The following PALLD variants were observed in gnomAD, a reference collection of about 807,000 sequenced individuals.
PALLD encodes palladin, cytoskeletal associated protein.
Under a neutral mutation model 123.5 loss-of-function variants are expected in PALLD, and 61 were observed. The observed-to-expected ratio is 0.49, with a 90% confidence interval of 0.40 to 0.61. The LOEUF (loss-of-function observed/expected upper bound fraction) is 0.61, where lower values mean the gene tolerates loss of function less well. PALLD is among the 20% of genes least tolerant of loss of function. PALLD has a pLI of 0.00. For synonymous variants in PALLD, 465 were observed against 496.4 expected, an observed-to-expected ratio of 0.94 and a Z score of 0.84; for missense variants, 1,273 against 1,377.0, an observed-to-expected ratio of 0.92 and a Z score of 1.20.
At position 168,926,623 on chromosome 4, in the gene PALLD, A is replaced by C. The variant is rs1762612945; in HGVS notation, c.*443A>C. 3 of 424,416 alleles carry C rather than the reference A, an allele frequency of 7.1e-6. No individual in the cohort carries two copies. Among genetic ancestry groups the C allele is most frequent in the African/African-American group, 2.0e-5 (1 of 50,450 alleles). The allele number at this position is 424,416 out of a possible 1,614,324, so 26.3% of individuals were successfully genotyped here. On this transcript the variant is annotated 3_prime_UTR_variant, in exon 22 of 22. Transcript: ENST00000505667. ...TTTACTGTCCAATTTAAAACTTTGG[A>C]ATTGCTGTGATTAAAGTGATCAAAA...
At chr4:168,718,885 C>A (rs896200993) in intron 10 of PALLD, among the ~76,000 whole-genome samples, 4 of 149,882 alleles carry the variant, frequency 2.7e-5, no homozygotes, top group African/African-American at 9.8e-5. Flanking sequence ...TTGATAATTC[C>A]TTTCTCTATT....
intron 2 of PALLD, among the ~76,000 whole-genome samples, chr4:168,532,123 T>C (rs555738086): frequency 6.6e-6 from 1 of 152,172 alleles, no homozygotes; most frequent in Non-Finnish European, 1.5e-5. Context: ...GTATCTGTTG[T>C]TCCCTGCTAT....
chr4:168,908,170 C>T (rs977607964), intron 15 of PALLD, among the ~76,000 whole-genome samples: 7 of 152,234 alleles, frequency 4.6e-5, no homozygotes, highest in African/African-American at 1.7e-4. Context: ...AGTAAAACCC[C>T]TTCTTTTCTG....
At chr4:168,627,041 A>C (rs561858288) in intron 2 of PALLD, among the ~76,000 whole-genome samples, 14 of 152,332 alleles carry the variant, frequency 9.2e-5, no homozygotes, top group Admixed American at 3.3e-4. Flanking sequence ...GAACATACTC[A>C]ACACTACAGA....
chr4:168,668,185 T>A lies in PALLD; in HGVS notation c.909-5T>A. On this transcript the variant is annotated splice_polypyrimidine_tract_variant and splice_region_variant and intron_variant, in intron 2 of 21. Transcript: ENST00000505667. ...CCTATCCTTTGACCTCCATTTGGCC[T>A]GCAGATGGTTCTGTGAAGGGAAAGA... The A allele has an allele frequency of 6.2e-7, 1 of 1,612,850 alleles. No individual in the cohort carries two copies. Among genetic ancestry groups the A allele is most frequent in the Admixed American group, 1.7e-5 (1 of 60,034 alleles).
At chr4:168,647,139 T>G (rs1029067479) in intron 2 of PALLD, among the ~76,000 whole-genome samples, 15 of 152,212 alleles carry the variant, frequency 9.9e-5, no homozygotes, top group Non-Finnish European at 1.9e-4. Flanking sequence ...ACATTAACCA[T>G]CCACTATGAA....
At chr4:168,926,110 G>A in intron 21 of PALLD, 103 bp from the exon 22 acceptor site, 1 of 945,092 alleles carries the variant, frequency 1.1e-6, no homozygotes, top group East Asian at 2.7e-5. Flanking sequence ...GATGTGTTCA[G>A]GTGCCTTGCA....
At chr4:168,663,917 T>C (rs1779372455) in intron 2 of PALLD, among the ~76,000 whole-genome samples, 2 of 152,214 alleles carry the variant, frequency 1.3e-5, no homozygotes, top group Non-Finnish European at 2.9e-5. Flanking sequence ...GTTGATGCTT[T>C]AAAATATTTA....
chr4:168,671,159 A>G (rs1780234675), intron 3 of PALLD, among the ~76,000 whole-genome samples: 1 of 152,172 alleles, frequency 6.6e-6, no homozygotes, highest in Non-Finnish European at 1.5e-5. Context: ...ATACTATAAA[A>G]TGAGATATTT....
intron 2 of PALLD, among the ~76,000 whole-genome samples, chr4:168,632,349 A>G (rs1429700955): frequency 6.6e-6 from 1 of 152,210 alleles, no homozygotes; most frequent in Non-Finnish European, 1.5e-5. Flanking sequence ...TCACAAAGCA[A>G]TCAATTTCTG....
chr4:168,670,748 A>AC (rs1438788396), intron 3 of PALLD, among the ~76,000 whole-genome samples: 2 of 42,870 alleles, frequency 4.7e-5, no homozygotes, highest in African/African-American at 3.8e-4. Flanking sequence ...TCAAAAAAAC[A>AC]AAAAAAACAA....
intron 2 of PALLD, among the ~76,000 whole-genome samples, chr4:168,581,849 G>T (rs190517121): frequency 6.6e-6 from 1 of 151,190 alleles, no homozygotes; most frequent in Admixed American, 6.6e-5. Context: ...CAATGTCAAG[G>T]TTTTTTTTTA....
At chr4:168,823,510 T>C (rs1743012158) in intron 10 of PALLD, among the ~76,000 whole-genome samples, 1 of 151,610 alleles carries the variant, frequency 6.6e-6, no homozygotes, top group South Asian at 2.1e-4. Context: ...TGAGACCCTG[T>C]CTCTACAAAA....
At chr4:168,812,463 G>A (rs1010407527) in intron 10 of PALLD, among the ~76,000 whole-genome samples, 1 of 152,208 alleles carries the variant, frequency 6.6e-6, no homozygotes, top group African/African-American at 2.4e-5. Flanking sequence ...GGAGAGACAA[G>A]GAGCACAGCA....
chr4:168,876,453 T>C (rs911843231), intron 10 of PALLD, among the ~76,000 whole-genome samples: 3 of 152,224 alleles, frequency 2.0e-5, no homozygotes, highest in Non-Finnish European at 2.9e-5. Flanking sequence ...TGATGCTCTG[T>C]ACATATTAAG....
rs549996169 is a variant in PALLD at position 168,743,633 on chromosome 4, G to A, written c.1964+31710G>A. On this transcript the variant is annotated intron_variant, in intron 10 of 21. Transcript: ENST00000505667. Reference sequence around the variant, plus strand: ...AAAGTTAAACTTAGAACTTTGGTTGGCGATGCTCACCCTGGTCTCTGTTAT... The same window carrying A: ...AAAGTTAAACTTAGAACTTTGGTTGACGATGCTCACCCTGGTCTCTGTTAT... Among the ~76,000 whole-genome samples the A allele has an allele frequency of 1.9e-4, 29 of 152,224 alleles. No homozygotes were observed. The South Asian group carries it at 4.4e-3, about 23-fold the overall frequency.
intron 10 of PALLD, among the ~76,000 whole-genome samples, chr4:168,882,416 C>T (rs572358488): frequency 3.9e-5 from 6 of 152,232 alleles, no homozygotes; most frequent in East Asian, 1.9e-4. Flanking sequence ...TCAGAATCCC[C>T]GAGTCAAGGA....
At chr4:168,508,010 A>G (rs974683418) in intron 1 of PALLD, among the ~76,000 whole-genome samples, 1 of 152,150 alleles carries the variant, frequency 6.6e-6, no homozygotes, top group Admixed American at 6.5e-5. Context: ...TCTCTTTCAC[A>G]AAGGTTTCCT....
chr4:168,506,017 C>T (rs1209904839), intron 1 of PALLD: 1 of 152,190 alleles, frequency 6.6e-6, no homozygotes, highest in Non-Finnish European at 1.5e-5. Context: ...GCATATATGT[C>T]AAAGGCCACC....
Sources: gnomAD v4.1 joint callset for allele counts (sites outside exome capture counted in the v4.1 genomes callset) on GRCh38, gnomAD v4.1.1 for gene constraint, MANE v1.5 for transcripts, NCBI Gene and HGNC (gene_info 2026-07-23, HGNC 2026-07-21) for gene names.